GALM: variants seen among roughly 807,000 people sequenced by gnomAD.
GALM encodes aldose 1-epimerase.
GALM carries 43 observed loss-of-function variants against 37.4 expected under a neutral mutation model. That is an observed-to-expected ratio of 1.15 (90% CI 0.90 to 1.48). The LOEUF is 1.48. GALM is among the 40% of genes most tolerant of loss of function. GALM has a pLI of 0.00. For synonymous variants in GALM, 199 were observed against 170.6 expected (o/e 1.17, Z -1.30); for missense variants, 456 against 419.1 (o/e 1.09, Z -0.77).
intron 3 of GALM, among the ~76,000 whole-genome samples, chr2:38,686,267 T>TCTTTCTTTCTTTCTTTC (rs1665527356): frequency 2.4e-4 from 23 of 94,358 alleles, no homozygotes; most frequent in African/African-American, 1.1e-3. Context: ...TTTCTTTCTT[T>TCTTTCTTTCTTTCTTTC]CTTTCTTTCT....
rs113589850 is a variant in GALM at position 38,734,272 on chromosome 2, T to C, written c.*707T>C. Reference sequence around the variant, plus strand: ...TGGGTGTGGTAGCACGCACCTGTAGTCCCAGCTACTTGGGAGGCTGAAGCA... The same window carrying C: ...TGGGTGTGGTAGCACGCACCTGTAGCCCCAGCTACTTGGGAGGCTGAAGCA... On this transcript the variant is annotated 3_prime_UTR_variant, in exon 7 of 7. Transcript: ENST00000272252. 46 of 152,284 alleles carry C rather than the reference T, an allele frequency of 3.0e-4. No individual in the cohort carries two copies. Among genetic ancestry groups the C allele is most frequent in the Middle Eastern group, 3.3e-3 (1 of 302 alleles). 9.4% of individuals were successfully genotyped at this position (152,284 alleles called of 1,614,324 possible). A position where few individuals can be genotyped will look rare whatever the true frequency, so the allele number is the denominator to read the frequency against.
chr2:38,721,201 G>A (rs964248330), intron 4 of GALM, among the ~76,000 whole-genome samples: 1 of 152,234 alleles, frequency 6.6e-6, no homozygotes, highest in Non-Finnish European at 1.5e-5. Context: ...TGTGAAGGCA[G>A]TGAGTTTTTC....
intron 4 of GALM, among the ~76,000 whole-genome samples, chr2:38,702,606 G>T (rs1039870555): frequency 2.0e-5 from 3 of 151,978 alleles, no homozygotes; most frequent in African/African-American, 4.8e-5. Flanking sequence ...TTTTTGTAAT[G>T]ACATCAGCCA....
chr2:38,708,690 T>C (rs960301159), intron 4 of GALM, among the ~76,000 whole-genome samples: 1 of 147,096 alleles, frequency 6.8e-6, no homozygotes, highest in East Asian at 2.0e-4. Context: ...GATCATGCCA[T>C]TGCACTCCAG....
At chr2:38,716,710 G>T (rs1397804023) in intron 4 of GALM, among the ~76,000 whole-genome samples, 1 of 152,202 alleles carries the variant, frequency 6.6e-6, no homozygotes, top group Non-Finnish European at 1.5e-5. Context: ...CAGGCACAGT[G>T]GTGTGTGCTT....
At chr2:38,682,121 C>A in intron 3 of GALM, 1 of 232,708 alleles carries the variant, frequency 4.3e-6, no homozygotes, top group East Asian at 8.7e-5. Flanking sequence ...CTAAAATCAA[C>A]CCAGCAGAGG....
In GALM at chr2:38,734,765, A is replaced by G. The variant is rs1278451305; in HGVS notation, c.*1200A>G. 6.6e-6 allele frequency: 1 copy of G among 152,618 alleles called. No individual in the cohort carries two copies. The highest frequency in any genetic ancestry group is 1.5e-5 in the Non-Finnish European group (1 of 68,076). 9.5% of individuals were successfully genotyped at this position (152,618 alleles called of 1,614,324 possible). ...AAATAAAACCAAAATCTGCATCTTCAGAAGACTTGTTCCTTTACTCAGCTT... is the reference window on the plus strand; with the variant it reads ...AAATAAAACCAAAATCTGCATCTTCGGAAGACTTGTTCCTTTACTCAGCTT... On this transcript the variant is annotated 3_prime_UTR_variant, in exon 7 of 7. Transcript: ENST00000272252.
intron 4 of GALM, among the ~76,000 whole-genome samples, chr2:38,694,107 A>G (rs1269148649): frequency 6.6e-6 from 1 of 152,146 alleles, no homozygotes; most frequent in Non-Finnish European, 1.5e-5. Context: ...GCTTGAGCCC[A>G]GGAGGTCAAG....
intron 2 of GALM, chr2:38,680,126 C>T: frequency 2.2e-6 from 1 of 446,728 alleles, no homozygotes; most frequent in Non-Finnish European, 4.5e-6. Flanking sequence ...TCAAGCGATC[C>T]TCCCTTCTCA....
chr2:38,731,867 T>A lies in GALM; in HGVS notation c.909T>A (p.Gly303=). The part of the protein sequence containing the change: ...KNGAVYPKHS[G]FCLETQNWPD... ...GAGCTGTCTATCCCAAGCACTCCGG[T>A]TTCTGCCTGGAGACTCAGAACTGGC... is the stretch of plus-strand genomic sequence containing the variant. Residue 303 remains glycine (G), a synonymous_variant, in exon 6 of 7, where the codon GGT becomes GGA. Transcript: ENST00000272252. The A allele has an allele frequency of 6.2e-7, 1 of 1,614,166 alleles. No individual in the cohort carries two copies. The highest frequency in any genetic ancestry group is 8.5e-7 in the Non-Finnish European group (1 of 1,180,030).
At chr2:38,676,348 G>A (rs759502662) in intron 2 of GALM, among the ~76,000 whole-genome samples, 1 of 152,020 alleles carries the variant, frequency 6.6e-6, no homozygotes, top group Non-Finnish European at 1.5e-5. Flanking sequence ...TCAGGGAGTC[G>A]GGTTGAAGAG....
At chr2:38,729,270 C>T (rs1172405819) in intron 4 of GALM, among the ~76,000 whole-genome samples, 1 of 152,066 alleles carries the variant, frequency 6.6e-6, no homozygotes, top group Admixed American at 6.5e-5. Context: ...TCACTGTAGC[C>T]TCGACCTCCT....
chr2:38,731,475 C>G (rs896635433), intron 5 of GALM, among the ~76,000 whole-genome samples: 5 of 151,852 alleles, frequency 3.3e-5, no homozygotes, highest in Admixed American at 3.3e-4. Context: ...GCCTTCCTCC[C>G]TACTCCCCAG....
At chr2:38,685,470 T>C (rs1665496962) in intron 3 of GALM, among the ~76,000 whole-genome samples, 1 of 152,170 alleles carries the variant, frequency 6.6e-6, no homozygotes, top group Admixed American at 6.5e-5. Flanking sequence ...TAAAGTCCCC[T>C]GCAAATCATA....
chr2:38,689,526 A>C (rs1487985888), intron 3 of GALM, among the ~76,000 whole-genome samples: 1 of 152,206 alleles, frequency 6.6e-6, no homozygotes, highest in Non-Finnish European at 1.5e-5. Flanking sequence ...TAATAAGCCA[A>C]GGTCCAAAAG....
chr2:38,686,249 T>TTTC (rs1665521853), intron 3 of GALM, among the ~76,000 whole-genome samples: 1 of 120,848 alleles, frequency 8.3e-6, no homozygotes, highest in African/African-American at 4.3e-5. Context: ...TCTTTCTTTC[T>TTTC]TTCTTTCTTT....
At chr2:38,698,419 C>A in intron 4 of GALM, 1 of 1,303,020 alleles carries the variant, frequency 7.7e-7, no homozygotes, top group Non-Finnish European at 1.0e-6. Context: ...ACCCATGGAC[C>A]AGGAGCAAAG....
At chr2:38,691,138 T>C (rs1411865964) in intron 4 of GALM, among the ~76,000 whole-genome samples, 1 of 152,240 alleles carries the variant, frequency 6.6e-6, no homozygotes, top group Non-Finnish European at 1.5e-5. Context: ...GCTGCTGTTT[T>C]GTGACTGATA....
rs74917735 is a variant in GALM at position 38,681,424 on chromosome 2, C to G, written c.490C>G (p.Gln164Glu). The G allele has an allele frequency of 8.1e-6, 13 of 1,609,402 alleles. No individual in the cohort carries two copies. The highest frequency in any genetic ancestry group is 9.3e-6 in the Non-Finnish European group (11 of 1,178,850). ...AGAGCTCATAGTCAACTACAGAGCA[C>G]AAGCCAGTCAGGCCACACCAGTCAA... ...GGELIVNYRA[Q>E]ASQATPVNLT... The change falls in exon 3 of 7, where the codon CAA becomes GAA. Residue 164 changes from glutamine (Q) to glutamate (E), a missense_variant. Gln to Glu is a conservative substitution (Grantham distance 29). Transcript: ENST00000272252.
Sources: gnomAD v4.1 joint callset for allele counts (sites outside exome capture counted in the v4.1 genomes callset) on GRCh38, gnomAD v4.1.1 for gene constraint, MANE v1.5 for transcripts, NCBI Gene and HGNC (gene_info 2026-07-23, HGNC 2026-07-21) for gene names.